ZNF536: variants seen among roughly 807,000 people sequenced by gnomAD.
ZNF536 encodes the protein zinc finger protein 536.
ZNF536 carries 13 observed loss-of-function variants against 84.5 expected under a neutral mutation model. The ratio of observed to expected loss-of-function variants is 0.15; its 90% CI spans 0.10 to 0.24. The LOEUF is 0.24. ZNF536 is among the 10% of genes least tolerant of loss of function. ZNF536 has a pLI of 1.00. For synonymous variants in ZNF536, 811 were observed against 742.5 expected (o/e 1.09, Z -1.50); for missense variants, 1,536 against 1,747.5 (o/e 0.88, Z 2.16).
At chr19:30,239,712 G>A (rs778197741) in intron 1 of ZNF536, among the ~76,000 whole-genome samples, 2 of 152,206 alleles carry the variant, frequency 1.3e-5, no homozygotes, top group Non-Finnish European at 2.9e-5. Context: ...GCTGGTGGGT[G>A]AGGAATGCTT....
intron 2 of ZNF536, among the ~76,000 whole-genome samples, chr19:30,299,174 A>G (rs2046100540): frequency 6.6e-6 from 1 of 152,246 alleles, no homozygotes; most frequent in Non-Finnish European, 1.5e-5. Flanking sequence ...AATCCTCTGT[A>G]AATTATGAAT....
chr19:30,385,031 A>G (rs553710695), intron 1 of ZNF536, among the ~76,000 whole-genome samples: 3 of 152,154 alleles, frequency 2.0e-5, no homozygotes, highest in African/African-American at 7.2e-5. Flanking sequence ...AAAACAAAAA[A>G]AAAAGCAAAC....
At chr19:30,572,851 C>CAGT (rs1444550108) in intron 1 of ZNF536, among the ~76,000 whole-genome samples, 1 of 152,158 alleles carries the variant, frequency 6.6e-6, no homozygotes, top group African/African-American at 2.4e-5. Context: ...AGACTAGAGA[C>CAGT]AGTATCACAT....
intron 3 of ZNF536, among the ~76,000 whole-genome samples, chr19:30,363,129 C>T (rs1399864576): frequency 1.3e-5 from 2 of 152,034 alleles, no homozygotes; most frequent in African/African-American, 4.8e-5. Context: ...TCTCGTGCAG[C>T]AGGTCTTTAT....
intron 2 of ZNF536, among the ~76,000 whole-genome samples, chr19:30,454,205 A>G (rs1164417139): frequency 1.3e-5 from 2 of 152,212 alleles, no homozygotes; most frequent in African/African-American, 4.8e-5. Context: ...TACAGAGGCA[A>G]CTTGTAGGAC....
intron 1 of ZNF536, among the ~76,000 whole-genome samples, chr19:30,606,681 G>A (rs2047903264): frequency 6.6e-6 from 1 of 152,186 alleles, no homozygotes; most frequent in Non-Finnish European, 1.5e-5. Context: ...GGTCCTGAGT[G>A]TGAATTGAGT....
intron 1 of ZNF536, among the ~76,000 whole-genome samples, chr19:30,404,060 C>G (rs903458150): frequency 7.3e-6 from 1 of 137,782 alleles, no homozygotes; most frequent in Non-Finnish European, 1.5e-5. Flanking sequence ...TTTAGAATCT[C>G]CTCATCACGG....
chr19:30,644,444 C>T (rs1037444375), intron 1 of ZNF536, among the ~76,000 whole-genome samples: 2 of 151,800 alleles, frequency 1.3e-5, no homozygotes, highest in Non-Finnish European at 2.9e-5. Flanking sequence ...TATACATGTG[C>T]CATGCTGGTG....
downstream of ZNF536, among the ~76,000 whole-genome samples, chr19:30,561,110 G>C (rs2046148049): frequency 6.6e-6 from 1 of 152,222 alleles, no homozygotes; most frequent in South Asian, 2.1e-4. Flanking sequence ...AACTTCTGTT[G>C]TTGTCAAATT....
chr19:30,307,274 A>G (rs538455108), intron 2 of ZNF536, among the ~76,000 whole-genome samples: 1 of 151,238 alleles, frequency 6.6e-6, no homozygotes, highest in East Asian at 2.0e-4. Context: ...TATGTGAAAT[A>G]TTGCCTTTTT....
intron 1 of ZNF536, among the ~76,000 whole-genome samples, chr19:30,413,779 A>G (rs1009543236): frequency 3.3e-5 from 5 of 151,958 alleles, no homozygotes; most frequent in Non-Finnish European, 7.4e-5. Context: ...GATAGACTGT[A>G]TTCTTTCTTG....
intron 1 of ZNF536, among the ~76,000 whole-genome samples, chr19:30,674,973 C>G (rs1246333350): frequency 6.6e-6 from 1 of 152,104 alleles, no homozygotes; most frequent in African/African-American, 2.4e-5. Flanking sequence ...AATCCCTTCC[C>G]CCTGAGAAAC....
At position 30,539,781 on chromosome 19, in the gene ZNF536, G is replaced by A. The variant is rs567210169; in HGVS notation, c.2323+4782G>A. 7.2e-4 allele frequency among the ~76,000 whole-genome samples: 109 copies of A among 152,310 alleles called. 1 individual carries two copies. The highest frequency in any genetic ancestry group is 1.2e-3 in the Non-Finnish European group (79 of 68,028). ...GGCAGATGCTGACAGGTCCCTGAAA[G>A]CCTGGGGGAGGCGTGACCCCCTGGT... On this transcript the variant is annotated intron_variant, in intron 3 of 4. Coordinates refer to ENST00000355537, the MANE Select transcript of ZNF536 (RefSeq NM_014717.3).
intron 2 of ZNF536, among the ~76,000 whole-genome samples, chr19:30,497,971 G>A (rs541366136): frequency 6.6e-6 from 1 of 152,236 alleles, no homozygotes; most frequent in South Asian, 2.1e-4. Context: ...CATGAATTTT[G>A]CATCACTGGA....
chr19:30,349,233 C>G (rs191580343), intron 2 of ZNF536, among the ~76,000 whole-genome samples: 1 of 152,344 alleles, frequency 6.6e-6, no homozygotes, highest in East Asian at 1.9e-4. Flanking sequence ...AGACAGTGTT[C>G]CAAGTATCTG....
At chr19:30,439,858 G>A (rs1024053541) in intron 1 of ZNF536, among the ~76,000 whole-genome samples, 1 of 152,152 alleles carries the variant, frequency 6.6e-6, no homozygotes, top group African/African-American at 2.4e-5. Flanking sequence ...GGTGGTCCAA[G>A]CCTGGGGTGA....
intron 1 of ZNF536, among the ~76,000 whole-genome samples, chr19:30,394,526 T>C (rs979873165): frequency 6.6e-6 from 1 of 152,212 alleles, no homozygotes; most frequent in Non-Finnish European, 1.5e-5. Flanking sequence ...TCTGCTCGGC[T>C]GCACCAGAGG....
chr19:30,515,853 C>G (rs2055616480), intron 2 of ZNF536, among the ~76,000 whole-genome samples: 1 of 151,628 alleles, frequency 6.6e-6, no homozygotes, highest in South Asian at 2.1e-4. Flanking sequence ...TGGTGAAACC[C>G]TATCTCTACT....
chr19:30,501,723 A>G (rs1367667987), intron 2 of ZNF536, among the ~76,000 whole-genome samples: 2 of 152,218 alleles, frequency 1.3e-5, no homozygotes, highest in African/African-American at 2.4e-5. Flanking sequence ...TTTATCTTGC[A>G]CAGAGCTCAT....
Sources: gnomAD v4.1 joint callset for allele counts (sites outside exome capture counted in the v4.1 genomes callset) on GRCh38, gnomAD v4.1.1 for gene constraint, MANE v1.5 for transcripts, NCBI Gene and HGNC (gene_info 2026-07-23, HGNC 2026-07-21) for gene names.